The following NIN variants were observed in gnomAD, a reference collection of about 807,000 sequenced individuals.
The protein encoded by NIN is ninein.
NIN carries 137 observed loss-of-function variants against 257.6 expected under a neutral mutation model. That is an observed-to-expected ratio of 0.53 (90% CI 0.46 to 0.61). The LOEUF (loss-of-function observed/expected upper bound fraction) is 0.61, where lower values mean the gene tolerates loss of function less well. Among genes scored for constraint, NIN ranks in the 20% least tolerant of loss-of-function variants. NIN has a pLI of 0.00. For synonymous variants in NIN, 918 were observed against 919.8 expected (o/e 1.00, Z 0.04); for missense variants, 2,439 against 2,501.2 (o/e 0.98, Z 0.53).
At chr14:50,823,135 A>G in intron 2 of NIN, 1 of 525,534 alleles carries the variant, frequency 1.9e-6, no homozygotes, top group South Asian at 1.5e-5. Flanking sequence ...GGTAGCTCGT[A>G]TTTTACTAAT....
rs182927900 is a variant in NIN at position 50,724,690 on chromosome 14, G to A, written c.6193-1018C>T. Among the ~76,000 whole-genome samples, 184 of 152,230 alleles carry A rather than the reference G, an allele frequency of 1.2e-3. 1 individual carries two copies. The highest frequency in any genetic ancestry group is 2.2e-3 in the Non-Finnish European group (149 of 68,012). ...CTAGTCTCTCCTCCTGCTTCTCCCA[G>A]GACAGTGTGAACTGGCAATGCTGAA... On this transcript the variant is annotated intron_variant, in intron 30 of 30. Coordinates refer to ENST00000530997, the MANE Select transcript of NIN (RefSeq NM_020921.4).
chr14:50,830,110 T>A (rs1206445771), intron 2 of NIN, among the ~76,000 whole-genome samples: 1 of 152,224 alleles, frequency 6.6e-6, no homozygotes, highest in East Asian at 1.9e-4. Context: ...GATTTCCCCA[T>A]GCAGTTTCCT....
chr14:50,794,225 A>G (rs1171523490), intron 4 of NIN, among the ~76,000 whole-genome samples: 2 of 152,198 alleles, frequency 1.3e-5, no homozygotes, highest in African/African-American at 4.8e-5. Context: ...GGATTTCACT[A>G]TCTTCACAAA....
intron 3 of NIN, among the ~76,000 whole-genome samples, chr14:50,811,565 T>C (rs1157196004): frequency 7.4e-6 from 1 of 134,554 alleles, no homozygotes; most frequent in Non-Finnish European, 1.6e-5. Context: ...TTTTTTTTTT[T>C]TTTTGGTCTA....
intron 21 of NIN, 71 bp from the exon 22 acceptor site, chr14:50,748,176 A>C: frequency 2.1e-6 from 2 of 946,084 alleles, no homozygotes; most frequent in East Asian, 4.9e-5. Context: ...CAGGTTCATA[A>C]AAGGCCATAT....
chr14:50,777,694 T>C (rs1342253637), intron 6 of NIN, among the ~76,000 whole-genome samples: 2 of 141,078 alleles, frequency 1.4e-5, no homozygotes, highest in African/African-American at 5.0e-5. Flanking sequence ...AAAAAAAAAA[T>C]CAATGGTTGC....
intron 28 of NIN, chr14:50,730,996 T>C (rs780160737): frequency 7.8e-7 from 1 of 1,284,894 alleles, no homozygotes; most frequent in South Asian, 1.2e-5. Flanking sequence ...AGGTACAGGT[T>C]AGCCACAGAC....
chr14:50,746,362 C>T (rs1015047419), intron 22 of NIN, among the ~76,000 whole-genome samples: 6 of 152,128 alleles, frequency 3.9e-5, no homozygotes, highest in East Asian at 3.8e-4. Context: ...TCTCTAGTCA[C>T]GGCAGAACAT....
intron 25 of NIN, among the ~76,000 whole-genome samples, chr14:50,739,798 T>G (rs898977385): frequency 1.3e-5 from 2 of 152,220 alleles, no homozygotes; most frequent in Non-Finnish European, 2.9e-5. Context: ...CCAAATGCAT[T>G]GAGACTGGTG....
intron 27 of NIN, among the ~76,000 whole-genome samples, chr14:50,736,853 ATATTTTT>A (rs2041005348): frequency 6.6e-6 from 1 of 152,220 alleles, no homozygotes; most frequent in Non-Finnish European, 1.5e-5. Context: ...TAAACAGACC[ATATTTTT>A]TATAAAGAGG....
At chr14:50,820,106 C>A (rs1246604032) in intron 3 of NIN, among the ~76,000 whole-genome samples, 1 of 152,204 alleles carries the variant, frequency 6.6e-6, no homozygotes, top group African/African-American at 2.4e-5. Flanking sequence ...ACTCTCAGGA[C>A]TATCACCAGG....
chr14:50,798,967 C>T (rs892308205), intron 4 of NIN, among the ~76,000 whole-genome samples: 16 of 152,194 alleles, frequency 1.1e-4, no homozygotes, highest in South Asian at 2.1e-4. Context: ...TTAGTAGAGA[C>T]GGGGTTTCAC....
At chr14:50,729,371 G>A in intron 29 of NIN, 152 bp downstream of exon 29, 1 of 670,808 alleles carries the variant, frequency 1.5e-6, no homozygotes, top group South Asian at 2.1e-5. Context: ...CTGGCCTCAA[G>A]CGATCCTCCC....
Position 50,770,389 on chromosome 14 carries a change from T to C in NIN, c.1433A>G (p.Lys478Arg), listed in dbSNP as rs757339324. ...CCACAGAACTAATAAGATGATTACC[T>C]TTAAAGAGAGGGCAAGGCGGTCCCG... ...YIRDRLALSL[K>R]ENSRLENELL... The change falls in exon 12 of 31, where the codon AAG becomes AGG. Residue 478 changes from lysine to arginine, a missense_variant and splice_region_variant. Lys to Arg is a conservative substitution (Grantham distance 26, BLOSUM62 2). Transcript: ENST00000530997. The C allele has an allele frequency of 1.5e-5, 24 of 1,613,936 alleles. No homozygotes were observed. The highest frequency in any genetic ancestry group is 1.9e-5 in the Non-Finnish European group (23 of 1,179,978).
At chr14:50,803,344 C>T (rs1249313130) in intron 4 of NIN, among the ~76,000 whole-genome samples, 1 of 152,178 alleles carries the variant, frequency 6.6e-6, no homozygotes, top group Non-Finnish European at 1.5e-5. Context: ...CAGAGTGAGA[C>T]TCCATCTCAA....
At chr14:50,768,248 A>C (rs1166119489) in intron 12 of NIN, among the ~76,000 whole-genome samples, 2 of 152,204 alleles carry the variant, frequency 1.3e-5, no homozygotes, top group African/African-American at 2.4e-5. Context: ...TAAGTAAAAA[A>C]AAAATGTACT....
Position 50,758,504 on chromosome 14 carries a change from T to C in NIN, c.2526A>G (p.Gln842=), listed in dbSNP as rs188547869. The C allele has an allele frequency of 6.2e-7, 1 of 1,614,234 alleles. No individual in the cohort carries two copies. Among genetic ancestry groups the C allele is most frequent in the African/African-American group, 1.3e-5 (1 of 75,072 alleles). Residue 842 remains glutamine, a synonymous_variant, in exon 18 of 31, where the codon CAA becomes CAG. Coordinates refer to ENST00000530997, the MANE Select transcript of NIN (RefSeq NM_020921.4). The stretch of plus-strand genomic sequence containing the variant: ...GCTGTTCCTGGAGGTCCTTCAGCTC[T>C]TGGCGGTAGCGCCCCTCCAGGCTTT... The part of the protein sequence containing the change: ...ALQSLEGRYR[Q]ELKDLQEQQR...
At chr14:50,778,883 A>G in intron 5 of NIN, 79 bp from the exon 6 acceptor site, 1 of 1,426,522 alleles carries the variant, frequency 7.0e-7, no homozygotes, top group Non-Finnish European at 9.9e-7. Context: ...AGAGCAGATC[A>G]CTCTCTGGCT....
chr14:50,822,274 A>G (rs2045259943), intron 2 of NIN, among the ~76,000 whole-genome samples, 197 bp from the exon 3 acceptor site: 1 of 152,112 alleles, frequency 6.6e-6, no homozygotes, highest in Non-Finnish European at 1.5e-5. Flanking sequence ...TCCTGCATGC[A>G]CTCACATCAG....
Sources: allele counts gnomAD v4.1 joint callset (sites outside exome capture counted in the v4.1 genomes callset), GRCh38; gene constraint gnomAD v4.1.1; transcripts MANE v1.5; gene names NCBI Gene and HGNC (gene_info 2026-07-23, HGNC 2026-07-21).